Variants in FEZ1 observed in about 807,000 individuals in gnomAD.
FEZ1 encodes the protein fasciculation and elongation protein zeta-1.
A neutral mutation model predicts 49.3 loss-of-function variants in FEZ1; 20 were observed. That is an observed-to-expected ratio of 0.41 (90% CI 0.29 to 0.59). The LOEUF (loss-of-function observed/expected upper bound fraction) is 0.59, where lower values mean the gene tolerates loss of function less well. Ranked by LOEUF, FEZ1 falls within the 20% of genes least tolerant of loss-of-function variation. The pLI is 0.36. For synonymous variants in FEZ1, 170 were observed against 180.9 expected, an observed-to-expected ratio of 0.94 and a Z score of 0.48; for missense variants, 413 against 476.0, an observed-to-expected ratio of 0.87 and a Z score of 1.23.
In FEZ1 at chr11:125,489,710, G is replaced by T; in HGVS notation, c.68C>A (p.Pro23Gln). 1 of 1,610,110 alleles carries T rather than the reference G, an allele frequency of 6.2e-7. No individual in the cohort carries two copies. The highest frequency in any genetic ancestry group is 8.5e-7 in the Non-Finnish European group (1 of 1,177,834). ...ATAGAAACACTGGGGCTTCTCCTCC[G>T]GGTCCTCCGAGCAGGAGGGTCGAAG... ...EDLRPSCSEDPEEKPQCFYGS... is the reference protein window; with the variant it reads ...EDLRPSCSEDQEEKPQCFYGS... The change falls in exon 2 of 10, where the codon CCG becomes CAG. Residue 23 changes from proline (P) to glutamine (Q), a missense_variant. Transcript: ENST00000278919. This position sits in a 1 kb window ranked among gnomAD's most constrained non-coding sequence, Gnocchi z 4.2.
At chr11:125,450,897 T>G (rs2135737456) in intron 8 of FEZ1, among the ~76,000 whole-genome samples, 1 of 152,330 alleles carries the variant, frequency 6.6e-6, no homozygotes, top group South Asian at 2.1e-4. Flanking sequence ...CTTTGTTTGC[T>G]TTTCCTTATT....
chr11:125,443,915 G>A lies in FEZ1; in HGVS notation c.*2180C>T, dbSNP rs1001583802. Among the ~76,000 whole-genome samples the A allele has an allele frequency of 6.6e-6, 1 of 152,184 alleles. No individual in the cohort carries two copies. The highest frequency in any genetic ancestry group is 6.5e-5 in the Admixed American group (1 of 15,282). On this transcript the variant is annotated 3_prime_UTR_variant, in exon 10 of 10. Coordinates refer to ENST00000278919, the MANE Select transcript of FEZ1 (RefSeq NM_005103.5). ...CACCTGCTGGCAGGATAAATTGGGGGAAAGGAGTGGCTGACCCAGATCTGA... is the reference window on the plus strand; with the variant it reads ...CACCTGCTGGCAGGATAAATTGGGGAAAAGGAGTGGCTGACCCAGATCTGA...
At chr11:125,452,618 A>G (rs1565531364) in intron 7 of FEZ1, 5 of 537,194 alleles carry the variant, frequency 9.3e-6, no homozygotes, top group Non-Finnish European at 1.3e-5. Context: ...TCTCCATCCC[A>G]ACTTCTAGAT....
intron 3 of FEZ1, among the ~76,000 whole-genome samples, chr11:125,465,406 G>A (rs1056079856): frequency 5.3e-5 from 8 of 152,170 alleles, no homozygotes; most frequent in African/African-American, 1.9e-4. Flanking sequence ...TCTAGGGATA[G>A]ATCCTTCTTG....
intron 3 of FEZ1, among the ~76,000 whole-genome samples, chr11:125,480,573 A>G (rs1957269880): frequency 6.6e-6 from 1 of 152,172 alleles, no homozygotes; most frequent in Admixed American, 6.5e-5. Context: ...ACCCAAGAGA[A>G]GCCCATGACA....
intron 4 of FEZ1, among the ~76,000 whole-genome samples, chr11:125,462,861 A>G (rs901908241): frequency 6.6e-6 from 1 of 151,892 alleles, no homozygotes; most frequent in African/African-American, 2.4e-5. Flanking sequence ...TTAGCTGGGC[A>G]TAGTGATGCA....
chr11:125,459,490 G>A (rs767022336), intron 5 of FEZ1, among the ~76,000 whole-genome samples: 5 of 152,124 alleles, frequency 3.3e-5, no homozygotes, highest in African/African-American at 4.8e-5. Context: ...TACTCAGGGG[G>A]CTGAGGCAGG....
intron 4 of FEZ1, chr11:125,463,198 C>T (rs182726393): frequency 2.0e-5 from 4 of 203,208 alleles, no homozygotes; most frequent in East Asian, 2.9e-4. Flanking sequence ...CCCAGCTACT[C>T]GGGAGGCTGA....
Position 125,444,311 on chromosome 11 carries a change from C to T in FEZ1, c.*1784G>A, listed in dbSNP as rs141065243. The stretch of plus-strand genomic sequence containing the variant: ...CTGGAAAAGCAGAAGCCGAGCTAGG[C>T]GCGGTGACTCACGCCTATAATCCCA... On this transcript the variant is annotated 3_prime_UTR_variant, in exon 10 of 10. Transcript: ENST00000278919. Among the ~76,000 whole-genome samples, 70 of 152,264 alleles carry T rather than the reference C, an allele frequency of 4.6e-4. 1 individual carries two copies. In the East Asian group the frequency reaches 0.011, roughly 24 times the overall value.
chr11:125,453,993 G>A, intron 7 of FEZ1, 137 bp downstream of exon 7: 1 of 483,682 alleles, frequency 2.1e-6, no homozygotes, highest in Non-Finnish European at 3.6e-6. Context: ...CTTAAGAGGA[G>A]AAAAAAGTGT....
At chr11:125,465,780 C>A (rs966625831) in intron 3 of FEZ1, among the ~76,000 whole-genome samples, 1 of 152,204 alleles carries the variant, frequency 6.6e-6, no homozygotes, top group Non-Finnish European at 1.5e-5. Context: ...CCCTCTCCAG[C>A]GTTTGATTCT....
chr11:125,468,154 T>C (rs184751158), intron 3 of FEZ1, among the ~76,000 whole-genome samples: 1 of 152,234 alleles, frequency 6.6e-6, no homozygotes, highest in Admixed American at 6.5e-5. Flanking sequence ...TTCCACAGTC[T>C]CTCTTGCATC....
intron 1 of FEZ1, among the ~76,000 whole-genome samples, chr11:125,493,420 AAG>A (rs199545802): frequency 5.0e-5 from 2 of 39,822 alleles, no homozygotes; most frequent in Non-Finnish European, 9.0e-5. Context: ...GAAAGAAAGA[AAG>A]AAGGAAAGAA....
In FEZ1 at chr11:125,489,595, G is replaced by A; in HGVS notation, c.183C>T (p.Asp61=). The change falls in exon 2 of 10, where the codon GAC becomes GAT. Residue 61 remains aspartate, a synonymous_variant. Coordinates refer to ENST00000278919, the MANE Select transcript of FEZ1 (RefSeq NM_005103.5). This position sits in a 1 kb window ranked among gnomAD's most constrained non-coding sequence, Gnocchi z 4.2. The part of the protein sequence containing the change: ...SEIISFKSME[D]LVNEFDEKLN... ...GCTTCTCATCAAATTCATTTACGAG[G>A]TCCTCCATGGACTTGAAGCTGATTA... The A allele has an allele frequency of 6.2e-7, 1 of 1,614,168 alleles. No individual in the cohort carries two copies. The highest frequency in any genetic ancestry group is 8.5e-7 in the Non-Finnish European group (1 of 1,180,022).
intron 1 of FEZ1, among the ~76,000 whole-genome samples, chr11:125,492,067 T>C (rs1957388094): frequency 1.3e-5 from 2 of 152,250 alleles, no homozygotes; most frequent in South Asian, 4.1e-4. Context: ...ATCCAATATA[T>C]CCAAAGTGTT....
intron 3 of FEZ1, among the ~76,000 whole-genome samples, chr11:125,476,715 G>A (rs888471429): frequency 4.6e-5 from 7 of 152,128 alleles, no homozygotes; most frequent in East Asian, 3.8e-4. Context: ...ACTGGGAATC[G>A]GAACAGATTT....
chr11:125,487,575 T>C (rs987957101), intron 2 of FEZ1, among the ~76,000 whole-genome samples: 1 of 152,214 alleles, frequency 6.6e-6, no homozygotes, highest in Non-Finnish European at 1.5e-5. Flanking sequence ...AAAAAGAATC[T>C]GTTTGAAACT....
At chr11:125,460,435 G>A in intron 5 of FEZ1, 63 bp downstream of exon 5, 2 of 1,488,478 alleles carry the variant, frequency 1.3e-6, no homozygotes, top group South Asian at 1.2e-5. Flanking sequence ...AAAGCACACA[G>A]CCCAGAGCCT....
In FEZ1 at chr11:125,456,183, C is replaced by G. The variant is rs1156995991; in HGVS notation, c.668-77G>C. The G allele has an allele frequency of 1.5e-5, 21 of 1,382,648 alleles. 1 individual carries two copies. The African/African-American group carries it at 2.0e-4, about 13-fold the overall frequency. 85.6% of individuals were successfully genotyped at this position (1,382,648 alleles called of 1,614,324 possible). On this transcript the variant is annotated intron_variant, in intron 5 of 9. Transcript: ENST00000278919. ...GCTGGGGAGGCTCCTGGGGCCACCA[C>G]CAATCAAGATGGGACTGCCCCTCAG...
Sources: gnomAD v4.1 joint callset for allele counts (sites outside exome capture counted in the v4.1 genomes callset) on GRCh38, gnomAD v4.1.1 for gene constraint, Gnocchi (gnomAD v3.1) non-coding constraint, MANE v1.5 for transcripts, NCBI Gene and HGNC (gene_info 2026-07-23, HGNC 2026-07-21) for gene names.